Variants in MYRIP observed in about 807,000 individuals in gnomAD.
MYRIP encodes myosin VIIA and Rab interacting protein, also known as rab effector MyRIP.
Under a neutral mutation model 98.0 loss-of-function variants are expected in MYRIP, and 49 were observed. That is an observed-to-expected ratio of 0.50 (90% confidence interval 0.40 to 0.63). MYRIP has a LOEUF of 0.63. Among genes scored for constraint, MYRIP ranks in the 30% least tolerant of loss-of-function variants. MYRIP has a pLI of 0.00. For synonymous variants in MYRIP, 404 were observed against 409.5 expected, an observed-to-expected ratio of 0.99 and a Z score of 0.16; for missense variants, 1,004 against 1,058.2, an observed-to-expected ratio of 0.95 and a Z score of 0.71.
At chr3:40,218,564 TACAC>T (rs1235789898) in intron 11 of MYRIP, among the ~76,000 whole-genome samples, 1 of 80,154 alleles carries the variant, frequency 1.2e-5, no homozygotes, top group Admixed American at 1.7e-4. Context: ...GTAATATACA[TACAC>T]ACATACACAT....
At chr3:39,937,923 AAGAG>A (rs770946250) in intron 2 of MYRIP, among the ~76,000 whole-genome samples, 3 of 152,194 alleles carry the variant, frequency 2.0e-5, no homozygotes, top group Admixed American at 1.3e-4. Context: ...TAGAATTATA[AAGAG>A]AGAGAAAGTA....
At chr3:39,855,489 C>G (rs1397814604) in intron 1 of MYRIP, among the ~76,000 whole-genome samples, 1 of 152,070 alleles carries the variant, frequency 6.6e-6, no homozygotes, top group Non-Finnish European at 1.5e-5. Flanking sequence ...TCAGACTCTC[C>G]TTGGACGGGG....
chr3:39,915,985 G>T (rs1023635726), intron 2 of MYRIP, among the ~76,000 whole-genome samples: 1 of 151,874 alleles, frequency 6.6e-6, no homozygotes, highest in African/African-American at 2.4e-5. Flanking sequence ...GTGGGCACAA[G>T]ACTATGCTAA....
chr3:40,240,432 C>T (rs551061311), intron 12 of MYRIP, among the ~76,000 whole-genome samples: 12 of 152,228 alleles, frequency 7.9e-5, no homozygotes, highest in East Asian at 1.9e-4. Context: ...TCAGTGGGTG[C>T]GCACACTGTG....
At chr3:40,155,126 C>T (rs941628043) in intron 4 of MYRIP, among the ~76,000 whole-genome samples, 94 of 150,172 alleles carry the variant, frequency 6.3e-4, no homozygotes, top group Middle Eastern at 3.4e-3. Flanking sequence ...TATCTCCTAA[C>T]GCTATCCCTC....
chr3:39,944,541 T>C (rs1462088812), intron 2 of MYRIP, among the ~76,000 whole-genome samples: 1 of 151,844 alleles, frequency 6.6e-6, no homozygotes, highest in Non-Finnish European at 1.5e-5. Flanking sequence ...AAAATACCTC[T>C]AGAAGCATAT....
chr3:39,900,907 A>G lies in MYRIP; in HGVS notation c.91A>G (p.Lys31Glu). ...TCAAAGAGACTTCAATCTTCGCAAAAAAGAAGAAGAACGACTAAGGTGAGA... is the reference window on the plus strand; with the variant it reads ...TCAAAGAGACTTCAATCTTCGCAAAGAAGAAGAAGAACGACTAAGGTGAGA... ...VVQRDFNLRK[K>E]EEERLSELKQ... The change falls in exon 2 of 17, where the codon AAA becomes GAA. Residue 31 changes from lysine (K) to glutamate (E), a missense_variant. Around this residue, in one of 3 missense-constraint regions of MYRIP, gnomAD observed 880 missense variants for 907.7 expected, o/e 0.97. Coordinates refer to ENST00000302541, the MANE Select transcript of MYRIP (RefSeq NM_015460.4). 6.2e-7 allele frequency: 1 copy of G among 1,613,182 alleles called. No homozygotes were observed. The highest frequency in any genetic ancestry group is 8.5e-7 in the Non-Finnish European group (1 of 1,179,848).
intron 4 of MYRIP, 22 bp downstream of exon 4, chr3:40,151,206 C>A: frequency 1.3e-6 from 2 of 1,580,978 alleles, no homozygotes; most frequent in South Asian, 2.3e-5. Context: ...TCCTGCCGCT[C>A]TGGGAGTCTT....
intron 2 of MYRIP, among the ~76,000 whole-genome samples, chr3:39,957,391 C>A (rs12629212): frequency 0.057 from 8,553 of 149,210 alleles, 463 homozygotes; most frequent in East Asian, 0.18. Flanking sequence ...AATCAATAAA[C>A]GTAATCCATC....
intron 2 of MYRIP, among the ~76,000 whole-genome samples, chr3:39,909,896 G>GTTTGTTTGT (rs1165931877): frequency 6.6e-6 from 1 of 151,132 alleles, no homozygotes; most frequent in African/African-American, 2.4e-5. Context: ...TTTTTTGTTT[G>GTTTGTTTGT]TTTGTTTTGT....
At chr3:39,998,686 T>C (rs1946434501) in intron 2 of MYRIP, among the ~76,000 whole-genome samples, 3 of 152,126 alleles carry the variant, frequency 2.0e-5, no homozygotes, top group Admixed American at 1.3e-4. Flanking sequence ...ACTTTAAAGT[T>C]CATATGGAAC....
chr3:40,201,602 A>G (rs914267473), intron 10 of MYRIP, among the ~76,000 whole-genome samples: 2 of 152,132 alleles, frequency 1.3e-5, no homozygotes, highest in Non-Finnish European at 2.9e-5. Context: ...AATTCCACCA[A>G]CCAGGCAGGT....
At chr3:39,949,718 G>T (rs1210756430) in intron 2 of MYRIP, among the ~76,000 whole-genome samples, 3 of 152,034 alleles carry the variant, frequency 2.0e-5, no homozygotes, top group Admixed American at 1.3e-4. Context: ...AGCTCTTAAG[G>T]CCTATCTTCA....
At chr3:39,901,223 G>A (rs1368743659) in intron 2 of MYRIP, among the ~76,000 whole-genome samples, 1 of 152,206 alleles carries the variant, frequency 6.6e-6, no homozygotes, top group Admixed American at 6.5e-5. Context: ...CTTGGCCTTA[G>A]TTTTTTGTTG....
intron 2 of MYRIP, among the ~76,000 whole-genome samples, chr3:39,997,789 A>ATTTTG: frequency 6.6e-6 from 1 of 152,224 alleles, no homozygotes; most frequent in East Asian, 1.9e-4. Context: ...TCCATGATAA[A>ATTTTG]ATACTGGCAA....
intron 3 of MYRIP, among the ~76,000 whole-genome samples, chr3:40,057,804 A>G (rs1286156725): frequency 5.3e-5 from 8 of 152,164 alleles, no homozygotes. Context: ...TCCATGCATT[A>G]AGTTCATGTG....
At chr3:40,211,561 A>G (rs1181372965) in intron 11 of MYRIP, among the ~76,000 whole-genome samples, 2 of 152,118 alleles carry the variant, frequency 1.3e-5, no homozygotes, top group Non-Finnish European at 2.9e-5. Context: ...ATGGACTCCA[A>G]CCTATTGCAA....
intron 1 of MYRIP, among the ~76,000 whole-genome samples, chr3:39,887,782 T>C (rs1231425836): frequency 6.6e-6 from 1 of 152,132 alleles, no homozygotes; most frequent in Non-Finnish European, 1.5e-5. Flanking sequence ...GAGAACCCCA[T>C]TGTCTCAGCC....
At chr3:39,841,006 C>T (rs1221627619) in intron 1 of MYRIP, among the ~76,000 whole-genome samples, 2 of 152,158 alleles carry the variant, frequency 1.3e-5, no homozygotes, top group East Asian at 1.9e-4. Flanking sequence ...GAATGTTGGC[C>T]TGTCTTGCTA....
Sources: gnomAD v4.1 joint callset for allele counts (sites outside exome capture counted in the v4.1 genomes callset) on GRCh38, gnomAD v4.1.1 for gene constraint, gnomAD v4.1.1 regional missense constraint, MANE v1.5 for transcripts, NCBI Gene and HGNC (gene_info 2026-07-23, HGNC 2026-07-21) for gene names.